GALNT1: variants seen among roughly 807,000 people sequenced by gnomAD.
GALNT1 encodes the protein polypeptide N-acetylgalactosaminyltransferase 1, also known as GalNAc transferase 1.
A neutral mutation model predicts 65.7 loss-of-function variants in GALNT1; 17 were observed. That is an observed-to-expected ratio of 0.26 (90% CI 0.18 to 0.39). GALNT1 has a LOEUF of 0.39. Ranked by LOEUF, GALNT1 falls within the 10% of genes least tolerant of loss-of-function variation. The probability of loss-of-function intolerance (pLI) is 1.00; values close to 1 mark genes in which losing one functional copy is unlikely to be tolerated. For missense variants in GALNT1, 460 were observed against 672.8 expected, an observed-to-expected ratio of 0.68 and a Z score of 3.50; for synonymous variants, 210 against 219.7, an observed-to-expected ratio of 0.96 and a Z score of 0.39.
intron 2 of GALNT1, among the ~76,000 whole-genome samples, 156 bp from the exon 3 acceptor site, chr18:35,663,472 C>G (rs1330176492): frequency 1.3e-5 from 2 of 152,178 alleles, no homozygotes; most frequent in South Asian, 2.1e-4. Flanking sequence ...GAGGACAAGA[C>G]AGCCCCTTGA....
chr18:35,640,462 G>A (rs2047146942), intron 1 of GALNT1, among the ~76,000 whole-genome samples: 1 of 152,108 alleles, frequency 6.6e-6, no homozygotes, highest in African/African-American at 2.4e-5. Context: ...CTAAATAAAT[G>A]GAGAGAGAAT....
intron 1 of GALNT1, among the ~76,000 whole-genome samples, chr18:35,594,064 C>T (rs2046476174): frequency 7.2e-6 from 1 of 138,326 alleles, no homozygotes; most frequent in South Asian, 2.3e-4. Context: ...GCAGTTAAAT[C>T]AGTTTTTAAA....
At chr18:35,673,890 T>A (rs2047668720) in intron 3 of GALNT1, among the ~76,000 whole-genome samples, 1 of 152,230 alleles carries the variant, frequency 6.6e-6, no homozygotes, top group Admixed American at 6.5e-5. Flanking sequence ...TTTGTCATTG[T>A]GTAAACATTA....
chr18:35,691,917 A>ACATATAT (rs1466764404), intron 8 of GALNT1, among the ~76,000 whole-genome samples: 1 of 152,162 alleles, frequency 6.6e-6, no homozygotes, highest in Non-Finnish European at 1.5e-5. Flanking sequence ...TTGTGCCTTA[A>ACATATAT]CATATATTGA....
intron 1 of GALNT1, chr18:35,596,546 C>G (rs992713319): frequency 1.3e-5 from 2 of 152,134 alleles, no homozygotes; most frequent in Admixed American, 6.5e-5. Flanking sequence ...AGGTCTCCAC[C>G]CTAGTGTACT....
At chr18:35,649,896 G>T (rs957934006) in intron 1 of GALNT1, among the ~76,000 whole-genome samples, 1 of 152,118 alleles carries the variant, frequency 6.6e-6, no homozygotes, top group South Asian at 2.1e-4. Context: ...TAGTGCTAAG[G>T]TTAGCACTCA....
At chr18:35,583,333 C>T (rs1335020801) in intron 1 of GALNT1, among the ~76,000 whole-genome samples, 2 of 152,190 alleles carry the variant, frequency 1.3e-5, no homozygotes, top group Admixed American at 1.3e-4. Context: ...ACCTGAGAAG[C>T]CTTTGTTCAG....
At chr18:35,654,143 G>A (rs995352138) in intron 1 of GALNT1, among the ~76,000 whole-genome samples, 90 of 152,180 alleles carry the variant, frequency 5.9e-4, no homozygotes. Context: ...GTATAATACA[G>A]CAGTTGAGTA....
chr18:35,583,992 G>C (rs940506921), intron 1 of GALNT1, among the ~76,000 whole-genome samples: 10 of 152,260 alleles, frequency 6.6e-5, no homozygotes, highest in African/African-American at 2.4e-4. Context: ...CTAAATTCCA[G>C]ACATTATTTG....
At chr18:35,690,213 CTTTT>C (rs142244975) in intron 7 of GALNT1, among the ~76,000 whole-genome samples, 1 of 152,032 alleles carries the variant, frequency 6.6e-6, no homozygotes, top group Non-Finnish European at 1.5e-5. Flanking sequence ...TCTTCTGCCC[CTTTT>C]TTTGTTTTTA....
intron 1 of GALNT1, among the ~76,000 whole-genome samples, chr18:35,595,539 G>A (rs958439879): frequency 2.6e-5 from 4 of 152,336 alleles, no homozygotes; most frequent in African/African-American, 9.6e-5. Context: ...GCAACAAGCT[G>A]CTGCGTGTCC....
intron 6 of GALNT1, among the ~76,000 whole-genome samples, chr18:35,688,685 T>G (rs1598806604): frequency 6.6e-6 from 1 of 152,150 alleles, no homozygotes; most frequent in Non-Finnish European, 1.5e-5. Context: ...TCCATCCAGT[T>G]TATCTTATGT....
chr18:35,693,638 A>C (rs1598808772), intron 9 of GALNT1, among the ~76,000 whole-genome samples: 1 of 152,320 alleles, frequency 6.6e-6, no homozygotes, highest in African/African-American at 2.4e-5. Context: ...CATTACTGAG[A>C]TGGGAAAACC....
At chr18:35,632,695 C>T (rs1364799458) in intron 1 of GALNT1, among the ~76,000 whole-genome samples, 2 of 152,138 alleles carry the variant, frequency 1.3e-5, no homozygotes, top group African/African-American at 2.4e-5. Context: ...ACAAAATTGA[C>T]AAATGGGATC....
At chr18:35,666,477 ATT>A in intron 3 of GALNT1, among the ~76,000 whole-genome samples, 1 of 152,348 alleles carries the variant, frequency 6.6e-6, no homozygotes, top group East Asian at 1.9e-4. Context: ...TGATGCCTGT[ATT>A]ATAAACAACC....
chr18:35,701,033 A>G (rs1299219089), intron 9 of GALNT1, among the ~76,000 whole-genome samples: 2 of 152,096 alleles, frequency 1.3e-5, no homozygotes, highest in Non-Finnish European at 2.9e-5. Context: ...TTTTTTGTGA[A>G]TATATGAGAT....
At chr18:35,580,960 G>A (rs1396520204), upstream of GALNT1, among the ~76,000 whole-genome samples, 1 of 152,164 alleles carries the variant, frequency 6.6e-6, no homozygotes, top group African/African-American at 2.4e-5. Flanking sequence ...TGCTGCCCCC[G>A]AGACCCGGGT....
At chr18:35,645,227 T>TG (rs1038715160) in intron 1 of GALNT1, among the ~76,000 whole-genome samples, 3 of 128,564 alleles carry the variant, frequency 2.3e-5, no homozygotes, top group African/African-American at 8.9e-5. Context: ...TGTTTTTTTT[T>TG]TTTTTTTTTT....
intron 6 of GALNT1, 134 bp downstream of exon 6, chr18:35,687,320 A>G (rs1729395880): frequency 2.8e-6 from 2 of 703,842 alleles, no homozygotes; most frequent in Non-Finnish European, 4.3e-6. Flanking sequence ...GTTAACAGCC[A>G]TCTTTCACAT....
Sources: allele counts gnomAD v4.1 joint callset (sites outside exome capture counted in the v4.1 genomes callset), GRCh38; gene constraint gnomAD v4.1.1; transcripts MANE v1.5; gene names NCBI Gene and HGNC (gene_info 2026-07-23, HGNC 2026-07-21).